Variants in ABLIM1 observed in about 807,000 individuals in gnomAD.
ABLIM1 encodes the protein actin-binding LIM protein 1.
In ABLIM1, 40 loss-of-function variants were observed where a neutral mutation model predicts 107.0. That is an observed-to-expected ratio of 0.37 (90% CI 0.29 to 0.49). ABLIM1 has a LOEUF of 0.49. Among genes scored for constraint, ABLIM1 ranks in the 20% least tolerant of loss-of-function variants. The pLI is 0.97. For missense variants in ABLIM1, 857 were observed against 1,008.5 expected (o/e 0.85, Z 2.04); for synonymous variants, 357 against 357.3 (o/e 1.00, Z 0.01).
chr10:114,640,357 T>C (rs1377367519), intron 1 of ABLIM1, among the ~76,000 whole-genome samples: 1 of 152,116 alleles, frequency 6.6e-6, no homozygotes, highest in African/African-American at 2.4e-5. Flanking sequence ...CGAAACCTCG[T>C]CTCTACTAAA....
At chr10:114,607,263 T>C (rs2076481612) in intron 1 of ABLIM1, among the ~76,000 whole-genome samples, 1 of 152,228 alleles carries the variant, frequency 6.6e-6, no homozygotes, top group African/African-American at 2.4e-5. Context: ...GGTTTCACCA[T>C]GTTGGCCAGG....
At chr10:114,499,815 T>G (rs2060151847) in intron 6 of ABLIM1, among the ~76,000 whole-genome samples, 1 of 152,186 alleles carries the variant, frequency 6.6e-6, no homozygotes, top group African/African-American at 2.4e-5. Flanking sequence ...AGTTCCCTGT[T>G]ATGCTCCTGC....
At chr10:114,456,936 A>T (rs1471381195) in intron 12 of ABLIM1, among the ~76,000 whole-genome samples, 706 of 64,042 alleles carry the variant, frequency 0.011, 8 homozygotes, top group Admixed American at 0.017. Context: ...TTTTTTTTTA[A>T]AAAAAAAAAA....
intron 1 of ABLIM1, among the ~76,000 whole-genome samples, chr10:114,698,056 A>C (rs1371580818): frequency 6.6e-6 from 1 of 152,152 alleles, no homozygotes; most frequent in Non-Finnish European, 1.5e-5. Context: ...TTAGTTAATT[A>C]ACATATACCA....
chr10:114,636,179 C>G (rs890254972), intron 1 of ABLIM1, among the ~76,000 whole-genome samples: 1 of 152,016 alleles, frequency 6.6e-6, no homozygotes, highest in Non-Finnish European at 1.5e-5. Flanking sequence ...TAAGGAGGTA[C>G]GTAATGACGG....
At chr10:114,471,515 G>C (rs1186572240) in intron 10 of ABLIM1, among the ~76,000 whole-genome samples, 2 of 152,110 alleles carry the variant, frequency 1.3e-5, no homozygotes, top group Non-Finnish European at 2.9e-5. Flanking sequence ...CTGCGCTTGA[G>C]AGCGGCCGCA....
chr10:114,667,023 C>T (rs952815147), intron 1 of ABLIM1, among the ~76,000 whole-genome samples: 3 of 152,142 alleles, frequency 2.0e-5, no homozygotes, highest in South Asian at 2.1e-4. Flanking sequence ...CCACTGTCCA[C>T]GTCTCCACCC....
intron 2 of ABLIM1, among the ~76,000 whole-genome samples, chr10:114,597,894 G>C (rs2075587985): frequency 6.6e-6 from 1 of 152,206 alleles, no homozygotes; most frequent in Non-Finnish European, 1.5e-5. Flanking sequence ...GGAACCACAG[G>C]AATGCACACC....
intron 6 of ABLIM1, among the ~76,000 whole-genome samples, chr10:114,540,056 GAT>G (rs2066475078): frequency 6.6e-6 from 1 of 152,212 alleles, no homozygotes; most frequent in Non-Finnish European, 1.5e-5. Flanking sequence ...AGCATTTGAA[GAT>G]GTACCATTTA....
At chr10:114,549,545 G>T (rs2067791232) in intron 4 of ABLIM1, among the ~76,000 whole-genome samples, 1 of 151,944 alleles carries the variant, frequency 6.6e-6, no homozygotes, top group Non-Finnish European at 1.5e-5. Context: ...TTAATGACAG[G>T]TGTATTTCTG....
chr10:114,701,345 A>G (rs1190759613), intron 1 of ABLIM1, among the ~76,000 whole-genome samples: 1 of 152,174 alleles, frequency 6.6e-6, no homozygotes, highest in Non-Finnish European at 1.5e-5. Context: ...CAGTTTTTGA[A>G]AAATGTTTGA....
At chr10:114,468,522 C>G (rs1338079842) in intron 10 of ABLIM1, among the ~76,000 whole-genome samples, 1 of 152,042 alleles carries the variant, frequency 6.6e-6, no homozygotes, top group Non-Finnish European at 1.5e-5. Context: ...GATCCGCCCC[C>G]CTTAGCCTCC....
intron 11 of ABLIM1, among the ~76,000 whole-genome samples, chr10:114,466,595 A>C (rs2065213512): frequency 6.6e-6 from 1 of 152,144 alleles, no homozygotes; most frequent in Non-Finnish European, 1.5e-5. Flanking sequence ...TCCTGACTCT[A>C]ATCTCTTCCT....
At chr10:114,583,460 CACACACACATATATAT>C (rs2073790274) in intron 2 of ABLIM1, among the ~76,000 whole-genome samples, 11 of 10,330 alleles carry the variant, frequency 1.1e-3, no homozygotes, top group African/African-American at 1.3e-3. Context: ...CACACACACA[CACACACACATATATAT>C]ATATATATAT....
At chr10:114,774,584 T>C in the ABLIM1 span, among the ~76,000 whole-genome samples, 2 of 152,072 alleles carry the variant, frequency 1.3e-5, no homozygotes, top group Non-Finnish European at 2.9e-5. Flanking sequence ...AATGAACAAA[T>C]ATTTGAAAGC....
At chr10:114,795,897 A>G in the ABLIM1 span, among the ~76,000 whole-genome samples, 3 of 152,142 alleles carry the variant, frequency 2.0e-5, no homozygotes. Flanking sequence ...TCCATATTCC[A>G]TGAGAAAGCA....
chr10:114,567,103 G>T (rs1047884831), intron 4 of ABLIM1, among the ~76,000 whole-genome samples: 1 of 152,206 alleles, frequency 6.6e-6, no homozygotes, highest in African/African-American at 2.4e-5. Context: ...ATAACAGGGA[G>T]GCTGCTGTGC....
chr10:114,676,091 T>C (rs1010168967), intron 1 of ABLIM1, among the ~76,000 whole-genome samples: 1 of 152,172 alleles, frequency 6.6e-6, no homozygotes, highest in Non-Finnish European at 1.5e-5. Context: ...AGGACACAAT[T>C]CAATGCATAA....
intron 1 of ABLIM1, among the ~76,000 whole-genome samples, chr10:114,631,585 A>T (rs1409733103): frequency 6.6e-6 from 1 of 152,036 alleles, no homozygotes; most frequent in Non-Finnish European, 1.5e-5. Flanking sequence ...GAAGAGAATG[A>T]TGGCTGGGAT....
Sources: gnomAD v4.1 joint callset for allele counts (sites outside exome capture counted in the v4.1 genomes callset) on GRCh38, gnomAD v4.1.1 for gene constraint, MANE v1.5 for transcripts, NCBI Gene and HGNC (gene_info 2026-07-23, HGNC 2026-07-21) for gene names.